NAALADL2: variants seen among roughly 807,000 people sequenced by gnomAD.
NAALADL2 encodes the protein inactive N-acetylated-alpha-linked acidic dipeptidase-like protein 2.
NAALADL2 carries 76 observed loss-of-function variants against 87.2 expected under a neutral mutation model. The ratio of observed to expected loss-of-function variants is 0.87; its 90% CI spans 0.72 to 1.05. The LOEUF is 1.05. Ranked by LOEUF, NAALADL2 falls within the 50% of genes least tolerant of loss-of-function variation. The pLI is 0.00. For synonymous variants in NAALADL2, 354 were observed against 331.0 expected, an observed-to-expected ratio of 1.07 and a Z score of -0.75; for missense variants, 1,089 against 945.8, an observed-to-expected ratio of 1.15 and a Z score of -1.99.
intron 2 of NAALADL2, among the ~76,000 whole-genome samples, chr3:174,638,252 T>TC (rs2108721183): frequency 6.6e-6 from 1 of 152,310 alleles, no homozygotes; most frequent in African/African-American, 2.4e-5. Context: ...TTATGGAGAA[T>TC]CTAGTTTATA....
At chr3:175,662,512 C>T (rs1177781170) in intron 11 of NAALADL2, among the ~76,000 whole-genome samples, 3 of 151,958 alleles carry the variant, frequency 2.0e-5, no homozygotes, top group African/African-American at 7.2e-5. Context: ...CTGGCTAGGA[C>T]TTCCAGTACT....
At chr3:175,433,350 G>A (rs1718100457) in intron 5 of NAALADL2, among the ~76,000 whole-genome samples, 1 of 152,020 alleles carries the variant, frequency 6.6e-6, no homozygotes, top group South Asian at 2.1e-4. Context: ...ATTAAATGAA[G>A]GAGCTGAAAA....
At chr3:175,224,848 T>C (rs904004873) in intron 2 of NAALADL2, among the ~76,000 whole-genome samples, 2 of 152,220 alleles carry the variant, frequency 1.3e-5, no homozygotes, top group Non-Finnish European at 2.9e-5. Context: ...TTAGAACTTA[T>C]AATTTTCGTT....
intron 9 of NAALADL2, among the ~76,000 whole-genome samples, chr3:175,559,586 T>C (rs180918963): frequency 1.0e-3 from 153 of 152,340 alleles, no homozygotes; most frequent in African/African-American, 3.6e-3. Flanking sequence ...CTGTCATATA[T>C]GGCTTTTATT....
intron 12 of NAALADL2, among the ~76,000 whole-genome samples, chr3:175,742,466 T>A (rs541910786): frequency 1.5e-5 from 2 of 135,196 alleles, no homozygotes; most frequent in South Asian, 4.4e-4. Context: ...GGCGCGATCT[T>A]GGCTCACTGC....
chr3:174,553,303 C>T (rs59129468), intron 2 of NAALADL2, among the ~76,000 whole-genome samples: 25,925 of 151,934 alleles, frequency 0.17, 2,635 homozygotes, highest in African/African-American at 0.28. Flanking sequence ...CCAAACAAAT[C>T]TGGATTTGTA....
At chr3:175,616,528 A>G (rs1560855904) in intron 10 of NAALADL2, among the ~76,000 whole-genome samples, 1 of 152,104 alleles carries the variant, frequency 6.6e-6, no homozygotes, top group East Asian at 1.9e-4. Context: ...ATGCCATAGT[A>G]CAATGTAGGA....
chr3:174,974,681 G>A (rs1457160211), intron 1 of NAALADL2, among the ~76,000 whole-genome samples: 1 of 152,106 alleles, frequency 6.6e-6, no homozygotes, highest in African/African-American at 2.4e-5. Context: ...GCTTGAAAAT[G>A]GAGCTGATAT....
At chr3:175,608,874 T>G (rs983049047) in intron 10 of NAALADL2, among the ~76,000 whole-genome samples, 2 of 152,152 alleles carry the variant, frequency 1.3e-5, no homozygotes, top group Non-Finnish European at 2.9e-5. Flanking sequence ...ATTTATATAA[T>G]TGACTTTTAT....
At chr3:175,730,455 C>T (rs1743586192) in intron 11 of NAALADL2, among the ~76,000 whole-genome samples, 4 of 134,572 alleles carry the variant, frequency 3.0e-5, no homozygotes, top group African/African-American at 8.0e-5. Context: ...CACACATACA[C>T]ACGCACACAC....
chr3:174,741,405 A>G (rs1484470444), intron 3 of NAALADL2, among the ~76,000 whole-genome samples: 1 of 151,706 alleles, frequency 6.6e-6, no homozygotes, highest in Non-Finnish European at 1.5e-5. Context: ...AAATAATATA[A>G]AAAAGCATAC....
chr3:175,750,544 A>G (rs558758126), intron 12 of NAALADL2, among the ~76,000 whole-genome samples: 5 of 152,266 alleles, frequency 3.3e-5, no homozygotes, highest in African/African-American at 1.2e-4. Flanking sequence ...TTTATCCTCT[A>G]CGATAGTGAG....
intron 2 of NAALADL2, among the ~76,000 whole-genome samples, chr3:174,731,211 C>T (rs1004506566): frequency 1.3e-5 from 2 of 152,102 alleles, no homozygotes; most frequent in Non-Finnish European, 2.9e-5. Context: ...GCAATGCTGC[C>T]TCTCCTGTGT....
chr3:175,021,316 C>G (rs370459864), intron 1 of NAALADL2, among the ~76,000 whole-genome samples: 1 of 151,948 alleles, frequency 6.6e-6, no homozygotes, highest in African/African-American at 2.4e-5. Context: ...GTTTCTAGTA[C>G]CTGTATAGTA....
At chr3:175,630,443 T>G (rs1337399341) in intron 11 of NAALADL2, among the ~76,000 whole-genome samples, 1 of 151,754 alleles carries the variant, frequency 6.6e-6, no homozygotes, top group Non-Finnish European at 1.5e-5. Flanking sequence ...AGAAATGAAG[T>G]ATGTATTTAA....
chr3:175,254,371 C>T (rs886592506), intron 3 of NAALADL2, among the ~76,000 whole-genome samples: 1 of 152,156 alleles, frequency 6.6e-6, no homozygotes, highest in African/African-American at 2.4e-5. Flanking sequence ...AATGCTACTG[C>T]ACACTTAATA....
chr3:175,113,619 G>C (rs1328960323), intron 2 of NAALADL2, among the ~76,000 whole-genome samples: 1 of 151,424 alleles, frequency 6.6e-6, no homozygotes, highest in Non-Finnish European at 1.5e-5. Flanking sequence ...TATCACAGAA[G>C]AGCAAGCAGC....
rs759373954 is a variant in NAALADL2 at position 175,174,785 on chromosome 3, GTGTA to G, written c.546-59144_546-59141del. Among the ~76,000 whole-genome samples, 842 of 132,020 alleles carry G rather than the reference GTGTA, an allele frequency of 6.4e-3. 6 individuals are homozygous for G. Among genetic ancestry groups the G allele is most frequent in the Non-Finnish European group, 0.011 (669 of 58,674 alleles). The allele number at this position is 132,020 out of a possible 152,430, so 86.6% of individuals were successfully genotyped here. Reference sequence around the variant, plus strand: ...ATGCTATTCATGTGTGTGTGTGTGTGTGTATATATATGTGTGTGTGTGTGCGCTA... The same window carrying G: ...ATGCTATTCATGTGTGTGTGTGTGTGTATATATGTGTGTGTGTGTGCGCTA... On this transcript the variant is annotated intron_variant, in intron 2 of 13. Coordinates refer to ENST00000454872, the MANE Select transcript of NAALADL2 (RefSeq NM_207015.3).
chr3:174,965,451 C>T (rs1299238330), intron 1 of NAALADL2, among the ~76,000 whole-genome samples: 1 of 152,080 alleles, frequency 6.6e-6, no homozygotes, highest in Non-Finnish European at 1.5e-5. Flanking sequence ...AAGTGAGTGT[C>T]AAATAATCTG....
Sources: gnomAD v4.1 joint callset for allele counts (sites outside exome capture counted in the v4.1 genomes callset) on GRCh38, gnomAD v4.1.1 for gene constraint, MANE v1.5 for transcripts, NCBI Gene and HGNC (gene_info 2026-07-23, HGNC 2026-07-21) for gene names.